The following ADAM18 variants were observed in gnomAD, a reference collection of about 807,000 sequenced individuals.
The protein encoded by ADAM18 is ADAM metallopeptidase domain 18.
ADAM18 carries 117 observed loss-of-function variants against 94.4 expected under a neutral mutation model. The observed-to-expected ratio is 1.24, with a 90% confidence interval of 1.07 to 1.45. The LOEUF (loss-of-function observed/expected upper bound fraction) is 1.45, where lower values mean the gene tolerates loss of function less well. Among genes scored for constraint, ADAM18 ranks in the 40% most tolerant of loss-of-function variants. The pLI, the probability that ADAM18 is intolerant of heterozygous loss-of-function variation, is 0.00. For synonymous variants in ADAM18, 327 were observed against 291.6 expected (o/e 1.12, Z -1.24); for missense variants, 936 against 880.0 (o/e 1.06, Z -0.81).
chr8:39,589,427 A>C (rs945269425), intron 2 of ADAM18, among the ~76,000 whole-genome samples: 2 of 152,224 alleles, frequency 1.3e-5, no homozygotes, highest in Admixed American at 1.3e-4. Context: ...TATGCAGAGT[A>C]TCTATTCCAA....
intron 2 of ADAM18, among the ~76,000 whole-genome samples, chr8:39,587,394 G>A (rs1302018385): frequency 6.6e-6 from 1 of 152,100 alleles, no homozygotes; most frequent in Non-Finnish European, 1.5e-5. Flanking sequence ...TCTCGACCCA[G>A]ACCCCTGGCA....
chr8:39,689,172 G>A (rs1030237572), intron 16 of ADAM18, among the ~76,000 whole-genome samples: 35 of 152,080 alleles, frequency 2.3e-4, no homozygotes, highest in Non-Finnish European at 4.4e-4. Context: ...GTTTAACTCT[G>A]TTTGGTTTCT....
chr8:39,671,204 G>C (rs980474475), intron 14 of ADAM18, among the ~76,000 whole-genome samples: 1 of 152,190 alleles, frequency 6.6e-6, no homozygotes, highest in African/African-American at 2.4e-5. Flanking sequence ...ATCACTCTCT[G>C]CCAGGCTATC....
chr8:39,693,407 T>TC (rs1311991049), intron 17 of ADAM18, among the ~76,000 whole-genome samples: 1 of 151,416 alleles, frequency 6.6e-6, no homozygotes, highest in African/African-American at 2.4e-5. Context: ...TGTTTTTTTT[T>TC]CTGTAATTAT....
chr8:39,646,469 TATC>T (rs1219344303), intron 11 of ADAM18, among the ~76,000 whole-genome samples: 1 of 152,198 alleles, frequency 6.6e-6, no homozygotes, highest in African/African-American at 2.4e-5. Flanking sequence ...TCCAAAATAT[TATC>T]ACTTTAACAA....
At chr8:39,600,845 A>T (rs1419450680) in intron 2 of ADAM18, among the ~76,000 whole-genome samples, 1 of 152,228 alleles carries the variant, frequency 6.6e-6, no homozygotes, top group Non-Finnish European at 1.5e-5. Flanking sequence ...ATGAAGTTAC[A>T]TGATGAAGTG....
chr8:39,620,357 C>CAAAAAAAAAAAAA (rs61555393), intron 6 of ADAM18, among the ~76,000 whole-genome samples: 416 of 90,306 alleles, frequency 4.6e-3, no homozygotes, highest in Middle Eastern at 6.5e-3. Context: ...GCAACAAAAG[C>CAAAAAAAAAAAAA]AAAAAAAAAA....
intron 14 of ADAM18, 135 bp from the exon 15 acceptor site, chr8:39,677,296 C>A: frequency 1.6e-6 from 1 of 612,322 alleles, no homozygotes; most frequent in Non-Finnish European, 2.8e-6. Context: ...CTTGCATTGA[C>A]AGGGTATGCA....
intron 17 of ADAM18, among the ~76,000 whole-genome samples, chr8:39,698,448 T>C (rs1383554790): frequency 6.6e-6 from 1 of 152,022 alleles, no homozygotes; most frequent in East Asian, 1.9e-4. Flanking sequence ...AATTTATGTA[T>C]TATCTTTTAT....
At position 39,609,072 on chromosome 8, in the gene ADAM18, T is replaced by C. The variant is rs566926804; in HGVS notation, c.219T>C (p.Tyr73=). Residue 73 remains tyrosine (Y), a synonymous_variant, in exon 4 of 20, where the codon TAT becomes TAC. Transcript: ENST00000265707. The part of the protein sequence containing the change: ...QSFLPQNFLV[Y]TYNETGSLHS... ...TCTTACCCCAGAACTTTTTGGTTTA[T>C]ACATATAATGAAACTGGATCTTTGC... The C allele has an allele frequency of 6.6e-4, 1,049 of 1,591,388 alleles. 18 individuals are homozygous for C. In the South Asian group the frequency reaches 0.01, roughly 15 times the overall value.
At chr8:39,680,650 C>T (rs1161352614) in intron 16 of ADAM18, among the ~76,000 whole-genome samples, 1 of 152,134 alleles carries the variant, frequency 6.6e-6, no homozygotes, top group African/African-American at 2.4e-5. Context: ...TACTAGGAAA[C>T]ATTGCTATAG....
At chr8:39,628,863 T>C (rs1480086640) in intron 6 of ADAM18, among the ~76,000 whole-genome samples, 1 of 152,072 alleles carries the variant, frequency 6.6e-6, no homozygotes, top group African/African-American at 2.4e-5. Flanking sequence ...GCTTTGTGTG[T>C]CATTTGATAT....
intron 10 of ADAM18, 73 bp downstream of exon 10, chr8:39,638,619 G>C: frequency 5.6e-6 from 5 of 888,866 alleles, no homozygotes; most frequent in Non-Finnish European, 8.2e-6. Context: ...ATTAATTTAA[G>C]TAGTTAAATA....
intron 17 of ADAM18, among the ~76,000 whole-genome samples, chr8:39,698,334 AT>A (rs1463234723): frequency 6.6e-6 from 1 of 151,552 alleles, no homozygotes; most frequent in East Asian, 1.9e-4. Context: ...TTATTAATCA[AT>A]TTTTCTCATA....
chr8:39,611,512 G>A (rs1044046272), intron 6 of ADAM18: 142 of 984,572 alleles, frequency 1.4e-4, no homozygotes, highest in Non-Finnish European at 1.6e-4. Flanking sequence ...AATTTGTCTC[G>A]ATTTTGTAGT....
chr8:39,694,761 A>G (rs1333646952), intron 17 of ADAM18, among the ~76,000 whole-genome samples: 2 of 151,598 alleles, frequency 1.3e-5, no homozygotes, highest in Non-Finnish European at 3.0e-5. Context: ...TACTAATTAT[A>G]CATTATTATT....
At chr8:39,585,159 G>C (rs971092770) in intron 1 of ADAM18, 117 bp from the exon 2 acceptor site, 1 of 687,666 alleles carries the variant, frequency 1.5e-6, no homozygotes, top group Non-Finnish European at 2.5e-6. Context: ...GCACATGAGA[G>C]AACTTCTACT....
intron 12 of ADAM18, among the ~76,000 whole-genome samples, chr8:39,657,312 T>C (rs1312290746): frequency 2.0e-5 from 3 of 151,976 alleles, no homozygotes; most frequent in Non-Finnish European, 4.4e-5. Flanking sequence ...CTTTGTTTGT[T>C]TGTTTGTTTT....
intron 12 of ADAM18, among the ~76,000 whole-genome samples, chr8:39,650,539 C>T (rs1429771314): frequency 6.6e-6 from 1 of 152,034 alleles, no homozygotes; most frequent in South Asian, 2.1e-4. Flanking sequence ...GTCTCATTTA[C>T]AATATCTACA....
Sources: allele counts gnomAD v4.1 joint callset (sites outside exome capture counted in the v4.1 genomes callset), GRCh38; gene constraint gnomAD v4.1.1; transcripts MANE v1.5; gene names NCBI Gene and HGNC (gene_info 2026-07-23, HGNC 2026-07-21).